The following SERPINB2 variants were observed in gnomAD, a reference collection of about 807,000 sequenced individuals.
SERPINB2 encodes the protein plasminogen activator inhibitor 2.
Under a neutral mutation model 39.4 loss-of-function variants are expected in SERPINB2, and 28 were observed. The ratio of observed to expected loss-of-function variants is 0.71; its 90% confidence interval spans 0.53 to 0.97. SERPINB2 has a LOEUF of 0.97. SERPINB2 is among the 50% of genes least tolerant of loss of function. SERPINB2 has a pLI of 0.00. For missense variants in SERPINB2, 557 were observed against 505.3 expected, an observed-to-expected ratio of 1.10 and a Z score of -0.98; for synonymous variants, 209 against 175.1, an observed-to-expected ratio of 1.19 and a Z score of -1.53.
chr18:63,891,888 A>T (rs1383071466), intron 2 of SERPINB2, among the ~76,000 whole-genome samples: 1 of 152,168 alleles, frequency 6.6e-6, no homozygotes, highest in Non-Finnish European at 1.5e-5. Context: ...ATATTTTAAT[A>T]ATATAATATT....
At chr18:63,899,328 A>G (rs1454431204) in intron 5 of SERPINB2, among the ~76,000 whole-genome samples, 2 of 152,146 alleles carry the variant, frequency 1.3e-5, no homozygotes, top group Admixed American at 1.3e-4. Context: ...TCAGGCTCTA[A>G]TTATTTTTGG....
chr18:63,895,412 T>C (rs1168637352), intron 3 of SERPINB2, 29 bp downstream of exon 3: 1 of 1,613,808 alleles, frequency 6.2e-7, no homozygotes, highest in East Asian at 2.2e-5. Flanking sequence ...CAAATTTCTT[T>C]TGTGGTTTAT....
intron 5 of SERPINB2, among the ~76,000 whole-genome samples, chr18:63,901,235 T>G (rs1173418326): frequency 6.6e-6 from 1 of 152,166 alleles, no homozygotes; most frequent in Admixed American, 6.6e-5. Context: ...TCTAGGCTCA[T>G]CCAGGATAAT....
Position 63,903,422 on chromosome 18 carries a change from C to G in SERPINB2, c.*117C>G, listed in dbSNP as rs1399068468. On this transcript the variant is annotated 3_prime_UTR_variant, in exon 8 of 8. Transcript: ENST00000299502. Reference sequence around the variant, plus strand: ...TTCTACATATTTCTGCTCTTCTGAACAACTTCTGCTACCCACTAAATAAAA... The same window carrying G: ...TTCTACATATTTCTGCTCTTCTGAAGAACTTCTGCTACCCACTAAATAAAA... 1.0e-6 allele frequency: 1 copy of G among 959,526 alleles called. No homozygotes were observed. Among genetic ancestry groups the G allele is most frequent in the African/African-American group, 1.7e-5 (1 of 58,626 alleles). 59.4% of individuals were successfully genotyped at this position (959,526 alleles called of 1,614,324 possible). A position where few individuals can be genotyped will look rare whatever the true frequency, so the allele number is the denominator to read the frequency against.
At position 63,901,741 on chromosome 18, in the gene SERPINB2, C is replaced by G; in HGVS notation, c.537C>G (p.Gly179=). 6.5e-7 allele frequency: 1 copy of G among 1,540,658 alleles called. No individual in the cohort carries two copies. Among genetic ancestry groups the G allele is most frequent in the Non-Finnish European group, 8.7e-7 (1 of 1,154,730 alleles). Residue 179 remains glycine (G), a splice_region_variant and synonymous_variant, in exon 6 of 8, where the codon GGC becomes GGG. Transcript: ENST00000299502. The part of the protein sequence containing the change: ...INSWVKTQTK[G]KIPNLLPEGS... ...AAATATATGTTATGTTTTCTGTAGG[C>G]AAAATCCCAAACTTGTTACCTGAAG...
chr18:63,896,425 C>G (rs1379285850), intron 3 of SERPINB2, among the ~76,000 whole-genome samples: 1 of 130,172 alleles, frequency 7.7e-6, no homozygotes, highest in Non-Finnish European at 1.6e-5. Context: ...TCTAGAGAAG[C>G]TATATGAACT....
At chr18:63,891,826 T>C (rs1175725872) in intron 2 of SERPINB2, among the ~76,000 whole-genome samples, 2 of 152,260 alleles carry the variant, frequency 1.3e-5, no homozygotes, top group Non-Finnish European at 2.9e-5. Flanking sequence ...TGAAGGCATA[T>C]GGGAGTTGAA....
Position 63,901,850 on chromosome 18 carries a change from C to A in SERPINB2, c.646C>A (p.Leu216Ile). The A allele has an allele frequency of 6.2e-7, 1 of 1,602,912 alleles. No individual in the cohort carries two copies. The highest frequency in any genetic ancestry group is 8.5e-7 in the Non-Finnish European group (1 of 1,176,840). The change falls in exon 6 of 8, where the codon CTA becomes ATA. Residue 216 changes from leucine (L) to isoleucine (I), a missense_variant. Coordinates refer to ENST00000299502, the MANE Select transcript of SERPINB2 (RefSeq NM_002575.3). Reference protein sequence around the residue: ...GKWKTPFEKKLNGLYPFRVNS... With the variant: ...GKWKTPFEKKINGLYPFRVNS... ...GTGGAAAACTCCATTTGAGAAGAAA[C>A]TAAATGGGCTTTATCCTTTCCGTGT...
intron 2 of SERPINB2, among the ~76,000 whole-genome samples, chr18:63,894,263 C>T (rs1265771552): frequency 2.6e-5 from 4 of 152,080 alleles, no homozygotes; most frequent in Admixed American, 6.5e-5. Context: ...TCTTCTTTTA[C>T]GTGAGGGTGG....
chr18:63,894,943 C>A (rs867732518), intron 2 of SERPINB2, among the ~76,000 whole-genome samples: 68 of 151,312 alleles, frequency 4.5e-4, no homozygotes, highest in African/African-American at 1.6e-3. Flanking sequence ...ATTTTTTTTT[C>A]AAGACCATTT....
intron 1 of SERPINB2, among the ~76,000 whole-genome samples, chr18:63,890,346 T>C (rs1322985660): frequency 6.6e-6 from 1 of 152,164 alleles, no homozygotes; most frequent in African/African-American, 2.4e-5. Context: ...TCCTCCTGGG[T>C]ACTTCCAGCC....
At chr18:63,900,057 T>G (rs573479188) in intron 5 of SERPINB2, among the ~76,000 whole-genome samples, 1 of 152,286 alleles carries the variant, frequency 6.6e-6, no homozygotes, top group East Asian at 1.9e-4. Flanking sequence ...CATGGAAGTT[T>G]TGCCTTCTTT....
chr18:63,893,411 A>ATTATG (rs2049939214), intron 2 of SERPINB2, among the ~76,000 whole-genome samples: 1 of 151,194 alleles, frequency 6.6e-6, no homozygotes, highest in Non-Finnish European at 1.5e-5. Context: ...AGCCTTTGGG[A>ATTATG]CTATGCGAGG....
At chr18:63,897,700 A>T in intron 4 of SERPINB2, 27 bp from the exon 5 acceptor site, 1 of 1,385,982 alleles carries the variant, frequency 7.2e-7, no homozygotes, top group South Asian at 1.2e-5. Flanking sequence ...TATTTTATGT[A>T]GCCTTTGTCA....
intron 7 of SERPINB2, 105 bp downstream of exon 7, chr18:63,902,673 T>C: frequency 1.6e-6 from 2 of 1,213,274 alleles, no homozygotes; most frequent in Non-Finnish European, 2.3e-6. Flanking sequence ...CATGGAAATA[T>C]ATGAAACAGT....
At chr18:63,899,494 G>T (rs1351394487) in intron 5 of SERPINB2, among the ~76,000 whole-genome samples, 1 of 152,128 alleles carries the variant, frequency 6.6e-6, no homozygotes, top group Non-Finnish European at 1.5e-5. Context: ...GTATTTCTAA[G>T]AAACAGAGAT....
Position 63,895,497 on chromosome 18 carries a change from A to G in SERPINB2, c.288+114A>G, listed in dbSNP as rs1030281786. 2.3e-6 allele frequency: 3 copies of G among 1,298,202 alleles called. No individual in the cohort carries two copies. In the African/African-American group the frequency reaches 4.5e-5, roughly 19 times the overall value. 80.4% of individuals were successfully genotyped at this position (1,298,202 alleles called of 1,614,324 possible). On this transcript the variant is annotated intron_variant, in intron 3 of 7. Transcript: ENST00000299502. ...CGAATATACCCTCCCCCATTCACAGAAAGAAAACTAAGACTCAGAGTCATT... is the reference window on the plus strand; with the variant it reads ...CGAATATACCCTCCCCCATTCACAGGAAGAAAACTAAGACTCAGAGTCATT...
chr18:63,898,949 A>G (rs908482431), intron 5 of SERPINB2, among the ~76,000 whole-genome samples: 1 of 152,168 alleles, frequency 6.6e-6, no homozygotes. Context: ...TGCTATTCCC[A>G]CACTAAAAAC....
intron 5 of SERPINB2, 80 bp downstream of exon 5, chr18:63,897,924 T>C (rs2049971035): frequency 1.2e-5 from 11 of 928,970 alleles, no homozygotes; most frequent in East Asian, 7.2e-5. Flanking sequence ...TGAACTTAGT[T>C]AGCCCTCACC....
Sources: gnomAD v4.1 joint callset for allele counts (sites outside exome capture counted in the v4.1 genomes callset) on GRCh38, gnomAD v4.1.1 for gene constraint, MANE v1.5 for transcripts, NCBI Gene and HGNC (gene_info 2026-07-23, HGNC 2026-07-21) for gene names.